The following DCDC2 variants were observed in gnomAD, a reference collection of about 807,000 sequenced individuals.
The protein encoded by DCDC2 is doublecortin domain containing 2.
In DCDC2, 40 loss-of-function variants were observed where a neutral mutation model predicts 50.2. The observed-to-expected ratio is 0.80, with a 90% CI of 0.62 to 1.04. The LOEUF (loss-of-function observed/expected upper bound fraction) is 1.04. Among genes scored for constraint, DCDC2 ranks in the 50% least tolerant of loss-of-function variants. The pLI is 0.00. For missense variants in DCDC2, 570 were observed against 581.9 expected, an observed-to-expected ratio of 0.98 and a Z score of 0.21; for synonymous variants, 234 against 210.6, an observed-to-expected ratio of 1.11 and a Z score of -0.96.
chr6:24,232,004 T>TATATAC (rs774567630), intron 7 of DCDC2, among the ~76,000 whole-genome samples: 9 of 148,516 alleles, frequency 6.1e-5, no homozygotes, highest in African/African-American at 2.0e-4. Flanking sequence ...CATATATATA[T>TATATAC]ACACACACAC....
chr6:24,296,784 A>T (rs1356620882), intron 4 of DCDC2, among the ~76,000 whole-genome samples: 1 of 152,242 alleles, frequency 6.6e-6, no homozygotes, highest in Non-Finnish European at 1.5e-5. Flanking sequence ...TGCCAGTCAA[A>T]ATGGTTATTA....
intron 4 of DCDC2, among the ~76,000 whole-genome samples, chr6:24,300,430 G>A (rs190800468): frequency 6.6e-5 from 10 of 152,266 alleles, no homozygotes; most frequent in African/African-American, 2.4e-4. Context: ...CACATGCATA[G>A]AATATTTCCG....
intron 7 of DCDC2, among the ~76,000 whole-genome samples, chr6:24,249,159 CA>C (rs1333594282): frequency 3.1e-4 from 1 of 3,188 alleles, no homozygotes; most frequent in East Asian, 0.1. Context: ...ACTCCCTAAA[CA>C]AAGGAATTAG....
chr6:24,321,506 T>G (rs1360636847), intron 2 of DCDC2, among the ~76,000 whole-genome samples: 1 of 152,150 alleles, frequency 6.6e-6, no homozygotes, highest in East Asian at 1.9e-4. Flanking sequence ...AATAAGAGGT[T>G]TAATTCTAAA....
At chr6:24,313,665 A>T (rs1759611883) in intron 2 of DCDC2, among the ~76,000 whole-genome samples, 1 of 152,236 alleles carries the variant, frequency 6.6e-6, no homozygotes, top group African/African-American at 2.4e-5. Flanking sequence ...CTGCAAGGAA[A>T]TAAGTCATTT....
At chr6:24,371,302 AAGAAAAAAAAGAAC>A in the DCDC2 span, among the ~76,000 whole-genome samples, 1 of 149,850 alleles carries the variant, frequency 6.7e-6, no homozygotes, top group Non-Finnish European at 1.5e-5. Flanking sequence ...AAGAAAAGAA[AAGAAAAAAAAGAAC>A]TAGGAGGCTG....
chr6:24,252,319 G>A (rs1398625491), intron 7 of DCDC2, among the ~76,000 whole-genome samples: 1 of 152,086 alleles, frequency 6.6e-6, no homozygotes, highest in African/African-American at 2.4e-5. Flanking sequence ...CAGATCACAA[G>A]CCCCTTGAGT....
At chr6:24,268,530 T>C (rs185379125) in intron 7 of DCDC2, among the ~76,000 whole-genome samples, 3 of 152,044 alleles carry the variant, frequency 2.0e-5, no homozygotes, top group Non-Finnish European at 2.9e-5. Flanking sequence ...AAACTACTGC[T>C]CAATGGAACC....
At chr6:24,175,529 T>G (rs991245124) in intron 9 of DCDC2, among the ~76,000 whole-genome samples, 1 of 152,118 alleles carries the variant, frequency 6.6e-6, no homozygotes, top group East Asian at 1.9e-4. Flanking sequence ...TAGCTCCAGG[T>G]TCCCCAAACC....
intron 9 of DCDC2, among the ~76,000 whole-genome samples, chr6:24,177,035 C>G (rs961393615): frequency 6.6e-6 from 1 of 152,110 alleles, no homozygotes; most frequent in African/African-American, 2.4e-5. Flanking sequence ...TTAAGCTAGA[C>G]CACTGGAAAA....
At chr6:24,265,420 C>A (rs1581620132) in intron 7 of DCDC2, among the ~76,000 whole-genome samples, 1 of 152,110 alleles carries the variant, frequency 6.6e-6, no homozygotes, top group Admixed American at 6.6e-5. Flanking sequence ...ACTAAATGGA[C>A]CTAATAGACA....
chr6:24,315,276 C>T (rs1399069243), intron 2 of DCDC2, among the ~76,000 whole-genome samples: 1 of 151,508 alleles, frequency 6.6e-6, no homozygotes, highest in Non-Finnish European at 1.5e-5. Flanking sequence ...CCTCCTAGAA[C>T]CAAGTCGTCC....
intron 7 of DCDC2, among the ~76,000 whole-genome samples, chr6:24,220,891 T>TGAGCGAGCGAGCGAGCGAGAGAGTGAGC: frequency 1.0e-5 from 1 of 98,970 alleles, no homozygotes; most frequent in Non-Finnish European, 2.2e-5. Flanking sequence ...AGCGAGAGAG[T>TGAGCGAGCGAGCGAGCGAGAGAGTGAGC]GAGCGAGCGA....
Position 24,357,818 on chromosome 6 carries a change from C to G in DCDC2, c.-68G>C. On this transcript the variant is annotated 5_prime_UTR_variant, in exon 1 of 10. Transcript: ENST00000378454. ...GAGGCACCTCCGCTGTCCCAGCGGC[C>G]TCACCGCACCCAGGGCGCGGGATCG... 4 of 1,605,194 alleles carry G rather than the reference C, an allele frequency of 2.5e-6. No homozygotes were observed. Among genetic ancestry groups the G allele is most frequent in the Non-Finnish European group, 3.4e-6 (4 of 1,174,508 alleles).
chr6:24,375,354 G>C, the DCDC2 span, among the ~76,000 whole-genome samples: 1 of 152,062 alleles, frequency 6.6e-6, no homozygotes, highest in Non-Finnish European at 1.5e-5. Flanking sequence ...GTGCTGCTCA[G>C]GATGGGCCCC....
chr6:24,223,840 G>C (rs1015220), intron 7 of DCDC2, among the ~76,000 whole-genome samples: 2 of 152,240 alleles, frequency 1.3e-5, no homozygotes, highest in African/African-American at 4.8e-5. Flanking sequence ...TTGATGCAGA[G>C]AGCAGATGTC....
intron 2 of DCDC2, 125 bp from the exon 3 acceptor site, chr6:24,302,169 CT>C (rs1468076071): frequency 1.3e-6 from 1 of 745,652 alleles, no homozygotes; most frequent in Non-Finnish European, 2.1e-6. Flanking sequence ...TAAAACCTTG[CT>C]TTTCTCAGCA....
chr6:24,178,676 C>T, intron 8 of DCDC2, 44 bp from the exon 9 acceptor site: 1 of 1,547,146 alleles, frequency 6.5e-7, no homozygotes, highest in Non-Finnish European at 8.8e-7. Flanking sequence ...AGAAGCATAA[C>T]AGAACATTTC....
upstream of DCDC2, among the ~76,000 whole-genome samples, chr6:24,358,633 G>C (rs1401660444): frequency 1.4e-5 from 2 of 141,366 alleles, no homozygotes; most frequent in Non-Finnish European, 1.5e-5. Context: ...AGTAACCTAT[G>C]ATTTTGCCAC....
Sources: gnomAD v4.1 joint callset for allele counts (sites outside exome capture counted in the v4.1 genomes callset) on GRCh38, gnomAD v4.1.1 for gene constraint, MANE v1.5 for transcripts, NCBI Gene and HGNC (gene_info 2026-07-23, HGNC 2026-07-21) for gene names.